ASXL1: variants seen among roughly 807,000 people sequenced by gnomAD.
ASXL1 encodes polycomb group protein ASXL1.
Under a neutral mutation model 89.1 loss-of-function variants are expected in ASXL1, and 65 were observed. The observed-to-expected ratio is 0.73, with a 90% CI of 0.60 to 0.90. The LOEUF is 0.90. ASXL1 is among the 40% of genes least tolerant of loss of function. ASXL1 has a pLI of 0.00. For missense variants in ASXL1, 1,786 were observed against 1,942.9 expected (o/e 0.92, Z 1.52); for synonymous variants, 739 against 746.9 (o/e 0.99, Z 0.17).
intron 4 of ASXL1, among the ~76,000 whole-genome samples, chr20:32,372,884 C>T (rs146034642): frequency 3.2e-4 from 49 of 151,588 alleles, no homozygotes; most frequent in East Asian, 2.2e-3. Context: ...TGAGCCACCG[C>T]GCCCAGCCTT....
intron 8 of ASXL1, 103 bp downstream of exon 8, chr20:32,430,156 A>G: frequency 1.4e-6 from 2 of 1,407,238 alleles, no homozygotes; most frequent in Non-Finnish European, 1.9e-6. Context: ...GTTTATTTTT[A>G]CTTCTTGGGT....
At position 32,358,510 on chromosome 20, in the gene ASXL1, C is replaced by G. The variant is rs1330725960; in HGVS notation, c.-266C>G. On this transcript the variant is annotated 5_prime_UTR_variant, in exon 1 of 13. Coordinates refer to ENST00000375687, the MANE Select transcript of ASXL1 (RefSeq NM_015338.6). ...TATGCGGAGCCGCCGCATTCCTTAG[C>G]GATCGCGGGGCAGCCGCCGCTGCCG... 8.8e-6 allele frequency: 2 copies of G among 227,364 alleles called. No individual in the cohort carries two copies. The highest frequency in any genetic ancestry group is 1.7e-5 in the Non-Finnish European group (2 of 114,406). 14.1% of individuals were successfully genotyped at this position (227,364 alleles called of 1,614,324 possible). A position where few individuals can be genotyped will look rare whatever the true frequency, so the allele number is the denominator to read the frequency against.
chr20:32,431,147 C>A, intron 8 of ASXL1, 174 bp from the exon 9 acceptor site: 1 of 816,108 alleles, frequency 1.2e-6, no homozygotes, highest in Non-Finnish European at 2.0e-6. Context: ...GGTTTGATGG[C>A]AATGACAGTA....
intron 1 of ASXL1, chr20:32,359,181 T>C (rs1201125640): frequency 5.8e-6 from 4 of 689,368 alleles, no homozygotes; most frequent in South Asian, 3.0e-5. Context: ...GCTTCGTTCA[T>C]TCACCCGGGG....
intron 4 of ASXL1, among the ~76,000 whole-genome samples, chr20:32,411,041 A>T (rs1461285431): frequency 2.6e-4 from 11 of 41,686 alleles, no homozygotes; most frequent in East Asian, 1.0e-3. Context: ...CAAAAAAAAA[A>T]AAAAATAAAA....
At position 32,439,141 on chromosome 20, in the gene ASXL1, T is replaced by A. The variant is rs2012080544; in HGVS notation, c.*1803T>A. The A allele has an allele frequency of 4.3e-6, 1 of 233,518 alleles. No homozygotes were observed. The highest frequency in any genetic ancestry group is 1.8e-4 in the South Asian group (1 of 5,524). 14.5% of individuals were successfully genotyped at this position (233,518 alleles called of 1,614,324 possible). On this transcript the variant is annotated 3_prime_UTR_variant, in exon 13 of 13. Coordinates refer to ENST00000375687, the MANE Select transcript of ASXL1 (RefSeq NM_015338.6). ...CAAGTTGTCAACTTAAGCGTCTGTT[T>A]ACCAAAGACCGGGAACAGGGGCCCA...
chr20:32,375,465 AAAAG>A (rs1310362087), intron 4 of ASXL1, among the ~76,000 whole-genome samples: 1 of 151,854 alleles, frequency 6.6e-6, no homozygotes, highest in Non-Finnish European at 1.5e-5. Flanking sequence ...AAAAAAGAAA[AAAAG>A]AACAAAGACA....
chr20:32,383,720 A>G (rs2048529302), intron 4 of ASXL1, among the ~76,000 whole-genome samples: 1 of 152,192 alleles, frequency 6.6e-6, no homozygotes, highest in Non-Finnish European at 1.5e-5. Context: ...ATTACTTGGT[A>G]TCTCCACTTG....
rs2011789113 is a variant in ASXL1, at chr20:32,435,580, T to G, written c.2868T>G (p.Leu956=). 2 of 1,614,112 alleles carry G rather than the reference T, an allele frequency of 1.2e-6. No individual in the cohort carries two copies. The highest frequency in any genetic ancestry group is 1.7e-6 in the Non-Finnish European group (2 of 1,180,028). The change falls in exon 13 of 13, where the codon CTT becomes CTG. Residue 956 remains leucine, a synonymous_variant. Transcript: ENST00000375687. ...AEEGLDPLDS[L]TSLWTVPSRG... The stretch of plus-strand genomic sequence containing the variant: ...AGGGTCTAGATCCTCTTGACAGCCT[T>G]ACTTCACTCTGGACTGTGCCATCTC...
In ASXL1 at chr20:32,429,831, A is replaced by T. The variant is rs2123220478; in HGVS notation, c.566-70A>T. 1 of 1,572,628 alleles carries T rather than the reference A, an allele frequency of 6.4e-7. No individual in the cohort carries two copies. Among genetic ancestry groups the T allele is most frequent in the Non-Finnish European group, 8.6e-7 (1 of 1,160,004 alleles). ...CAGCATCTCAGGGAGAGCTGGGAGA[A>T]ATGAGCTTGTCTGAGAGCCATGGGC... On this transcript the variant is annotated intron_variant, in intron 7 of 12. Transcript: ENST00000375687. This position sits in a 1 kb window ranked among gnomAD's most constrained non-coding sequence, Gnocchi z 4.9.
intron 4 of ASXL1, among the ~76,000 whole-genome samples, chr20:32,371,597 T>A (rs917077380): frequency 1.3e-5 from 2 of 151,964 alleles, no homozygotes; most frequent in Admixed American, 6.6e-5. Context: ...TATTATTTTT[T>A]AATTTAATAT....
Position 32,433,675 on chromosome 20 carries a change from G to T in ASXL1, c.1477G>T (p.Glu493Ter), listed in dbSNP as rs1434942289. ...VESVASRIQA[E>*]PDNLARASAS... Reference sequence around the variant, plus strand: ...GTCTGTGGCTTCTCGGATCCAGGCTGAGCCAGACAACTTGGCACGTGCCTC... The same window carrying T: ...GTCTGTGGCTTCTCGGATCCAGGCTTAGCCAGACAACTTGGCACGTGCCTC... Residue 493 changes from glutamate to a stop codon, truncating the protein, a stop_gained, in exon 12 of 13, where the codon GAG becomes TAG. Transcript: ENST00000375687. LOFTEE classifies it high-confidence loss of function. 6.2e-7 allele frequency: 1 copy of T among 1,611,388 alleles called. No individual in the cohort carries two copies. The highest frequency in any genetic ancestry group is 8.5e-7 in the Non-Finnish European group (1 of 1,177,898).
chr20:32,376,687 A>G (rs1368580178), intron 4 of ASXL1, among the ~76,000 whole-genome samples: 5 of 151,828 alleles, frequency 3.3e-5, no homozygotes, highest in Non-Finnish European at 5.9e-5. Flanking sequence ...GTTAAGGATA[A>G]GCTTACGTGC....
At position 32,429,552 on chromosome 20, in the gene ASXL1, A is replaced by C. The variant is rs2011455030; in HGVS notation, c.565+121A>C. On this transcript the variant is annotated intron_variant, in intron 7 of 12. Transcript: ENST00000375687. This position sits in a 1 kb window ranked among gnomAD's most constrained non-coding sequence, Gnocchi z 4.9. ...GGAGAGCTGTCGGGCCACAGGCAAG[A>C]GCCCTGCCAATGGATGAGGCCTGCC... is the stretch of plus-strand genomic sequence containing the variant. 5.6e-6 allele frequency: 6 copies of C among 1,063,666 alleles called. No individual in the cohort carries two copies. The highest frequency in any genetic ancestry group is 1.9e-5 in the Admixed American group (1 of 51,710). The allele number at this position is 1,063,666 out of a possible 1,614,324, so 65.9% of individuals were successfully genotyped here.
intron 4 of ASXL1, among the ~76,000 whole-genome samples, chr20:32,374,945 A>G (rs1267614997): frequency 6.6e-6 from 1 of 152,208 alleles, no homozygotes; most frequent in Non-Finnish European, 1.5e-5. Context: ...ATTTTCCATT[A>G]CTTAGAATAT....
chr20:32,433,507 A>C lies in ASXL1; in HGVS notation c.1309A>C (p.Lys437Gln). 6.2e-7 allele frequency: 1 copy of C among 1,614,190 alleles called. No homozygotes were observed. The highest frequency in any genetic ancestry group is 8.5e-7 in the Non-Finnish European group (1 of 1,180,026). Residue 437 changes from lysine to glutamine, a missense_variant, in exon 12 of 13, where the codon AAG becomes CAG. Coordinates refer to ENST00000375687, the MANE Select transcript of ASXL1 (RefSeq NM_015338.6). ...KQESEQAGVA[K>Q]DAKSVASDVP... Reference sequence around the variant, plus strand: ...GGAGTCAGAACAAGCAGGGGTTGCTAAGGATGCAAAATCTGTGGCCTCAGA... The same window carrying C: ...GGAGTCAGAACAAGCAGGGGTTGCTCAGGATGCAAAATCTGTGGCCTCAGA...
At chr20:32,384,351 T>C (rs1387058381) in intron 4 of ASXL1, among the ~76,000 whole-genome samples, 1 of 151,970 alleles carries the variant, frequency 6.6e-6, no homozygotes, top group Non-Finnish European at 1.5e-5. Context: ...TGCAGGTGTG[T>C]GCCACCATGC....
chr20:32,433,956 G>A, intron 12 of ASXL1, 39 bp downstream of exon 12: 1 of 1,610,134 alleles, frequency 6.2e-7, no homozygotes, highest in Non-Finnish European at 8.5e-7. Context: ...CTGGAGCCAG[G>A]TTTTCTTTGA....
Position 32,434,978 on chromosome 20 carries a change from G to A in ASXL1, c.2266G>A (p.Asp756Asn), listed in dbSNP as rs1600587608. Residue 756 changes from aspartate to asparagine, a missense_variant, in exon 13 of 13, where the codon GAC becomes AAC. Physicochemically the swap from Asp to Asn is conservative, Grantham distance 23. Coordinates refer to ENST00000375687, the MANE Select transcript of ASXL1 (RefSeq NM_015338.6). ...ASQLPVAPTG[D>N]QPCQALPLLS... ...CCAACTCCCCGTTGCTCCCACTGGG[G>A]ACCAGCCATGCCAGGCCTTGCCCCT... 1.2e-6 allele frequency: 2 copies of A among 1,614,082 alleles called. No individual in the cohort carries two copies. The highest frequency in any genetic ancestry group is 1.7e-6 in the Non-Finnish European group (2 of 1,180,018).
Sources: allele counts gnomAD v4.1 joint callset (sites outside exome capture counted in the v4.1 genomes callset), GRCh38; gene constraint gnomAD v4.1.1; non-coding constraint Gnocchi (gnomAD v3.1); transcripts MANE v1.5; gene names NCBI Gene and HGNC (gene_info 2026-07-23, HGNC 2026-07-21).